The following EPHA5 variants were observed in gnomAD, a reference collection of about 807,000 sequenced individuals.
EPHA5 encodes the protein ephrin type-A receptor 5.
Under a neutral mutation model 105.0 loss-of-function variants are expected in EPHA5, and 60 were observed. The ratio of observed to expected loss-of-function variants is 0.57; its 90% CI spans 0.46 to 0.71. The LOEUF (loss-of-function observed/expected upper bound fraction) is 0.71, where lower values mean the gene tolerates loss of function less well. Ranked by LOEUF, EPHA5 falls within the 30% of genes least tolerant of loss-of-function variation. EPHA5 has a pLI of 0.00. For synonymous variants in EPHA5, 513 were observed against 449.1 expected, an observed-to-expected ratio of 1.14 and a Z score of -1.80; for missense variants, 1,218 against 1,274.7, an observed-to-expected ratio of 0.96 and a Z score of 0.68.
At chr4:65,420,588 A>G in intron 5 of EPHA5, 23 bp from the exon 6 acceptor site, 1 of 1,608,612 alleles carries the variant, frequency 6.2e-7, no homozygotes, top group South Asian at 1.1e-5. Flanking sequence ...TTAAATAAGG[A>G]GCAGTATGAT....
intron 4 of EPHA5, among the ~76,000 whole-genome samples, chr4:65,494,721 T>A (rs1313568798): frequency 6.6e-6 from 1 of 152,212 alleles, no homozygotes; most frequent in Non-Finnish European, 1.5e-5. Context: ...TTAAGGACAC[T>A]CACTAACAAG....
chr4:65,421,904 A>T (rs1435372593), intron 5 of EPHA5, among the ~76,000 whole-genome samples: 2 of 152,138 alleles, frequency 1.3e-5, no homozygotes, highest in African/African-American at 4.8e-5. Flanking sequence ...TTTGTCTCAT[A>T]GGTGCACATA....
chr4:65,509,087 AG>A (rs940454131), intron 3 of EPHA5, among the ~76,000 whole-genome samples: 16 of 152,222 alleles, frequency 1.1e-4, no homozygotes, highest in African/African-American at 3.6e-4. Context: ...ATTTGGTAAA[AG>A]CAGTCATTGA....
At chr4:65,550,041 C>T (rs948713067) in intron 3 of EPHA5, among the ~76,000 whole-genome samples, 14 of 152,022 alleles carry the variant, frequency 9.2e-5, no homozygotes, top group Admixed American at 5.2e-4. Flanking sequence ...CATGTTAAAA[C>T]ATTTGACATT....
At chr4:65,365,686 T>C (rs1346061025) in intron 10 of EPHA5, among the ~76,000 whole-genome samples, 1 of 114,242 alleles carries the variant, frequency 8.8e-6, no homozygotes, top group Non-Finnish European at 1.9e-5. Flanking sequence ...TATATATATA[T>C]ATAGTGAAAC....
chr4:65,611,701 C>A (rs1744775113), intron 2 of EPHA5, among the ~76,000 whole-genome samples: 1 of 152,006 alleles, frequency 6.6e-6, no homozygotes, highest in Non-Finnish European at 1.5e-5. Flanking sequence ...TTGACAACAG[C>A]ACCCATAAAT....
chr4:65,367,238 A>AG, intron 9 of EPHA5, 119 bp downstream of exon 9: 2 of 719,068 alleles, frequency 2.8e-6, no homozygotes, highest in East Asian at 7.4e-5. Context: ...AACACTTTTA[A>AG]AAAAAAAAAA....
intron 14 of EPHA5, among the ~76,000 whole-genome samples, chr4:65,343,461 G>A (rs192131255): frequency 1.2e-4 from 19 of 152,230 alleles, no homozygotes; most frequent in Non-Finnish European, 1.5e-4. Flanking sequence ...CCTTGGTAAC[G>A]TAACATTTTC....
At chr4:65,461,060 A>C (rs917797326) in intron 5 of EPHA5, among the ~76,000 whole-genome samples, 1 of 152,010 alleles carries the variant, frequency 6.6e-6, no homozygotes, top group East Asian at 1.9e-4. Context: ...ACTTTCATTT[A>C]AATCATAAAT....
At chr4:65,632,995 A>T (rs1351353904) in intron 2 of EPHA5, among the ~76,000 whole-genome samples, 1 of 152,030 alleles carries the variant, frequency 6.6e-6, no homozygotes, top group Admixed American at 6.6e-5. Context: ...CATTAGAGGG[A>T]AAGTATTGGG....
intron 14 of EPHA5, among the ~76,000 whole-genome samples, chr4:65,337,963 C>A (rs866233503): frequency 6.6e-6 from 1 of 151,886 alleles, no homozygotes. Flanking sequence ...ATTAATTTAC[C>A]TCAAAAACAA....
At chr4:65,423,214 C>A (rs1372102289) in intron 5 of EPHA5, among the ~76,000 whole-genome samples, 1 of 151,890 alleles carries the variant, frequency 6.6e-6, no homozygotes, top group Admixed American at 6.6e-5. Flanking sequence ...TGGGGTATGA[C>A]CACAAAGGTA....
chr4:65,521,816 G>T (rs1280793646), intron 3 of EPHA5, among the ~76,000 whole-genome samples: 5 of 151,898 alleles, frequency 3.3e-5, no homozygotes, highest in Non-Finnish European at 7.4e-5. Flanking sequence ...TTCCCACCCT[G>T]ACAAATCCAT....
At chr4:65,546,448 T>A (rs906544801) in intron 3 of EPHA5, among the ~76,000 whole-genome samples, 6 of 152,050 alleles carry the variant, frequency 3.9e-5, no homozygotes, top group Non-Finnish European at 7.4e-5. Context: ...TTATTTCACA[T>A]TGGAAATACT....
rs561619247 is a variant in EPHA5, at chr4:65,599,699, G to C, written c.910+1942C>G. 1.8e-4 allele frequency among the ~76,000 whole-genome samples: 28 copies of C among 152,246 alleles called. No homozygotes were observed. In the South Asian group the frequency reaches 5.0e-3, roughly 27 times the overall value. ...GAAGATAAATGCATGAATTAAGACA[G>C]AGTCCAGTTAAGTAAAGTTTTCTAC... On this transcript the variant is annotated intron_variant, in intron 3 of 16. Transcript: ENST00000613740.
chr4:65,618,984 G>A (rs917485022), intron 2 of EPHA5, among the ~76,000 whole-genome samples: 1 of 152,012 alleles, frequency 6.6e-6, no homozygotes, highest in African/African-American at 2.4e-5. Context: ...GTGAAACCCC[G>A]TCTCTATAGA....
chr4:65,500,427 G>A (rs1044854868), intron 3 of EPHA5, among the ~76,000 whole-genome samples: 2 of 150,878 alleles, frequency 1.3e-5, no homozygotes, highest in Non-Finnish European at 3.0e-5. Flanking sequence ...ATGCTAATCT[G>A]CAAGAATACA....
intron 2 of EPHA5, among the ~76,000 whole-genome samples, chr4:65,638,428 T>C (rs979089944): frequency 6.6e-6 from 1 of 152,166 alleles, no homozygotes. Flanking sequence ...ACAGAATTCA[T>C]AATTTACATG....
chr4:65,402,111 T>C (rs573366028), intron 8 of EPHA5, among the ~76,000 whole-genome samples: 47 of 151,970 alleles, frequency 3.1e-4, no homozygotes, highest in Non-Finnish European at 5.4e-4. Context: ...GATCTAATGG[T>C]TTTTTAAGGG....
Sources: allele counts gnomAD v4.1 joint callset (sites outside exome capture counted in the v4.1 genomes callset), GRCh38; gene constraint gnomAD v4.1.1; transcripts MANE v1.5; gene names NCBI Gene and HGNC (gene_info 2026-07-23, HGNC 2026-07-21).